SEMA4D: variants seen among roughly 807,000 people sequenced by gnomAD.
SEMA4D encodes semaphorin 4D, also known as semaphorin-4D.
Under a neutral mutation model 74.8 loss-of-function variants are expected in SEMA4D, and 22 were observed. The ratio of observed to expected loss-of-function variants is 0.29; its 90% CI spans 0.21 to 0.42. The LOEUF is 0.42. Among genes scored for constraint, SEMA4D ranks in the 10% least tolerant of loss-of-function variants. SEMA4D has a pLI of 1.00. For synonymous variants in SEMA4D, 445 were observed against 463.7 expected (o/e 0.96, Z 0.52); for missense variants, 937 against 1,118.4 (o/e 0.84, Z 2.31).
intron 2 of SEMA4D, among the ~76,000 whole-genome samples, chr9:89,434,403 T>A (rs1488789009): frequency 6.6e-6 from 1 of 152,170 alleles, no homozygotes; most frequent in Non-Finnish European, 1.5e-5. Context: ...ATCTATTGCT[T>A]CTTTGGGTTT....
intron 2 of SEMA4D, chr9:89,449,740 G>C (rs1280753753): frequency 6.6e-7 from 1 of 1,520,412 alleles, no homozygotes; most frequent in African/African-American, 1.4e-5. Flanking sequence ...CAAGAAACAG[G>C]GAAAATCTTC....
chr9:89,376,611 G>C, downstream of SEMA4D: 1 of 580,868 alleles, frequency 1.7e-6, no homozygotes, highest in South Asian at 3.1e-5. Flanking sequence ...GAAAACACTG[G>C]TTGACCCCTG....
chr9:89,410,737 G>A (rs1399305805), intron 2 of SEMA4D, among the ~76,000 whole-genome samples: 1 of 152,204 alleles, frequency 6.6e-6, no homozygotes, highest in Middle Eastern at 3.2e-3. Flanking sequence ...GGAGCACAGT[G>A]AATGAAAGGA....
At chr9:89,427,182 G>A (rs1165441829) in intron 2 of SEMA4D, among the ~76,000 whole-genome samples, 1 of 152,084 alleles carries the variant, frequency 6.6e-6, no homozygotes, top group African/African-American at 2.4e-5. Flanking sequence ...GCAGTGCAAG[G>A]GAAATGATAT....
rs1465716552 is a variant in SEMA4D, at chr9:89,378,915, A to G, written c.2378T>C (p.Leu793Ser). 1.2e-6 allele frequency: 2 copies of G among 1,614,094 alleles called. No homozygotes were observed. Among genetic ancestry groups the G allele is most frequent in the Non-Finnish European group, 8.5e-7 (1 of 1,180,024 alleles). Residue 793 changes from leucine to serine, a missense_variant, in exon 16 of 16, where the codon TTA becomes TCA. Leu to Ser is a moderately radical substitution (Grantham distance 145). Coordinates refer to ENST00000422704, the MANE Select transcript of SEMA4D (RefSeq NM_001371194.2). ...CTGGGAGAAGCTCCCTGGCTCTACT[A>G]ACGTCTCCTTCAGGCTCTGCTCACG... ...CDREQSLKET[L>S]VEPGSFSQQN...
chr9:89,481,498 C>T (rs1824681671), intron 1 of SEMA4D, among the ~76,000 whole-genome samples: 1 of 152,192 alleles, frequency 6.6e-6, no homozygotes, highest in Non-Finnish European at 1.5e-5. Flanking sequence ...CAATAAAAGG[C>T]TAAAACACAG....
intron 1 of SEMA4D, among the ~76,000 whole-genome samples, chr9:89,482,536 C>T (rs1217181760): frequency 2.0e-5 from 3 of 152,214 alleles, no homozygotes; most frequent in Admixed American, 6.5e-5. Flanking sequence ...GCACACTCTG[C>T]CTCCTCCAGC....
At chr9:89,363,787 TGAG>T (rs1263490366) in exon 17 of SEMA4D, 10 of 1,613,828 alleles carry the variant, frequency 6.2e-6, no homozygotes, top group Admixed American at 5.0e-5. Context: ...TGTTCCCTGC[TGAG>T]GAGAGGACAG....
chr9:89,382,064 T>C (rs560485664), intron 13 of SEMA4D, among the ~76,000 whole-genome samples: 3 of 152,282 alleles, frequency 2.0e-5, no homozygotes, highest in Non-Finnish European at 4.4e-5. Context: ...TCTCCCACCT[T>C]CTGGGACACT....
chr9:89,446,508 G>A (rs1232371909), intron 2 of SEMA4D, among the ~76,000 whole-genome samples: 1 of 152,286 alleles, frequency 6.6e-6, no homozygotes, highest in East Asian at 1.9e-4. Flanking sequence ...AGCCCAACAT[G>A]GGCTAAAGAA....
In SEMA4D at chr9:89,381,461, T is replaced by C. The variant is rs887882532; in HGVS notation, c.1447-115A>G. Reference sequence around the variant, plus strand: ...GCCAGAGTGTACCTTCAGGGGACATTGCAGTAAGGAGGAGAGGTACTCAGA... The same window carrying C: ...GCCAGAGTGTACCTTCAGGGGACATCGCAGTAAGGAGGAGAGGTACTCAGA... On this transcript the variant is annotated intron_variant, in intron 13 of 15. Coordinates refer to ENST00000422704, the MANE Select transcript of SEMA4D (RefSeq NM_001371194.2). This position sits in a 1 kb window ranked among gnomAD's most constrained non-coding sequence, Gnocchi z 4.6. The C allele has an allele frequency of 3.9e-6, 4 of 1,038,446 alleles. No individual in the cohort carries two copies. In the Admixed American group the frequency reaches 1.2e-4, roughly 31 times the overall value. 64.3% of individuals were successfully genotyped at this position (1,038,446 alleles called of 1,614,324 possible).
At chr9:89,371,388 T>TGG (rs1834716653) in intron 16 of SEMA4D, among the ~76,000 whole-genome samples, 1 of 95,490 alleles carries the variant, frequency 1.0e-5, no homozygotes, top group Non-Finnish European at 2.1e-5. Context: ...CATGTGTGTC[T>TGG]GGGGTGTGGT....
chr9:89,455,981 TTTAGCAGGATAAACTACCAGA>T (rs1855836609), intron 1 of SEMA4D, 28 bp from the exon 2 acceptor site: 1 of 152,230 alleles, frequency 6.6e-6, no homozygotes, highest in African/African-American at 2.4e-5. Flanking sequence ...AAGGGCACAT[TTTAGCAGGATAAACTACCAGA>T]TTCCCTTACA....
chr9:89,381,349 G>A lies in SEMA4D; in HGVS notation c.1447-3C>T, dbSNP rs1486474664. 3 of 1,467,764 alleles carry A rather than the reference G, an allele frequency of 2.0e-6. 1 individual carries two copies. In the South Asian group the frequency reaches 4.2e-5, roughly 20 times the overall value. The allele number at this position is 1,467,764 out of a possible 1,614,324, so 90.9% of individuals were successfully genotyped here. A position where few individuals can be genotyped will look rare whatever the true frequency, so the allele number is the denominator to read the frequency against. On this transcript the variant is annotated splice_polypyrimidine_tract_variant and splice_region_variant and intron_variant, in intron 13 of 15. Coordinates refer to ENST00000422704, the MANE Select transcript of SEMA4D (RefSeq NM_001371194.2). This position sits in a 1 kb window ranked among gnomAD's most constrained non-coding sequence, Gnocchi z 4.6. Reference sequence around the variant, plus strand: ...CCAGCATAGACAAACCTGTTGCCCTGCGTGTATGAGACAGAGAAGAACTAG... The same window carrying A: ...CCAGCATAGACAAACCTGTTGCCCTACGTGTATGAGACAGAGAAGAACTAG...
intron 2 of SEMA4D, among the ~76,000 whole-genome samples, chr9:89,438,748 C>A (rs1205375487): frequency 6.6e-6 from 1 of 151,796 alleles, no homozygotes; most frequent in African/African-American, 2.4e-5. Context: ...TCACTGCAAG[C>A]TCTGCCTCCC....
At position 89,383,956 on chromosome 9, in the gene SEMA4D, T is replaced by C. The variant is rs914305329; in HGVS notation, c.1446+2411A>G. On this transcript the variant is annotated intron_variant, in intron 13 of 15. Transcript: ENST00000422704. ...CCATCTCTGTCTCTGCTGCTGTGTG[T>C]GCGCGTCAGACCCCGAGGGCAGGTT... 1.1e-4 allele frequency among the ~76,000 whole-genome samples: 16 copies of C among 152,036 alleles called. 1 individual carries two copies. The highest frequency in any genetic ancestry group is 7.9e-4 in the Admixed American group (12 of 15,250).
At chr9:89,398,141 G>A (rs974640122) in intron 5 of SEMA4D, among the ~76,000 whole-genome samples, 5 of 152,012 alleles carry the variant, frequency 3.3e-5, no homozygotes, top group African/African-American at 7.3e-5. Context: ...TTTGCCCGCC[G>A]TCTCCCGATT....
At chr9:89,364,394 C>G (rs532910927) in intron 16 of SEMA4D, 8 of 271,514 alleles carry the variant, frequency 2.9e-5, no homozygotes, top group African/African-American at 1.5e-4. Context: ...AGAGCTCGGC[C>G]AGCTGTGTGC....
downstream of SEMA4D, among the ~76,000 whole-genome samples, chr9:89,373,627 TCAGA>T (rs1269729537): frequency 5.3e-5 from 8 of 152,288 alleles, no homozygotes; most frequent in East Asian, 1.9e-4. Flanking sequence ...AGCCCTTTAA[TCAGA>T]CAGCCCCCAA....
Sources: gnomAD v4.1 joint callset for allele counts (sites outside exome capture counted in the v4.1 genomes callset) on GRCh38, gnomAD v4.1.1 for gene constraint, Gnocchi (gnomAD v3.1) non-coding constraint, MANE v1.5 for transcripts, NCBI Gene and HGNC (gene_info 2026-07-23, HGNC 2026-07-21) for gene names.